The following ACTN1 variants were observed in gnomAD, a reference collection of about 807,000 sequenced individuals.
The protein encoded by ACTN1 is alpha-actinin-1.
ACTN1 carries 30 observed loss-of-function variants against 119.6 expected under a neutral mutation model. That is an observed-to-expected ratio of 0.25 (90% CI 0.19 to 0.34). The LOEUF is 0.34. Ranked by LOEUF, ACTN1 falls within the 10% of genes least tolerant of loss-of-function variation. ACTN1 has a pLI of 1.00. For synonymous variants in ACTN1, 429 were observed against 472.6 expected, an observed-to-expected ratio of 0.91 and a Z score of 1.20; for missense variants, 764 against 1,223.4, an observed-to-expected ratio of 0.62 and a Z score of 5.60.
chr14:68,924,970 C>T (rs1453856291), intron 2 of ACTN1, among the ~76,000 whole-genome samples: 3 of 151,956 alleles, frequency 2.0e-5, no homozygotes, highest in Admixed American at 6.6e-5. Context: ...AGAGGTGGCT[C>T]GAGGGAGAGG....
At chr14:68,932,824 G>T (rs562951954) in intron 1 of ACTN1, among the ~76,000 whole-genome samples, 1 of 152,154 alleles carries the variant, frequency 6.6e-6, no homozygotes, top group East Asian at 1.9e-4. Context: ...CAGCACCCCT[G>T]GACCACACCC....
chr14:68,956,102 CT>C lies in ACTN1; in HGVS notation c.105+22849del, dbSNP rs556595803. 2.1e-3 allele frequency among the ~76,000 whole-genome samples: 323 copies of C among 152,178 alleles called. 1 individual carries two copies. Among genetic ancestry groups the C allele is most frequent in the African/African-American group, 7.5e-3 (311 of 41,490 alleles). On this transcript the variant is annotated intron_variant, in intron 1 of 21. Transcript: ENST00000394419. ...ACTGCTTGAGACCAGGGGTCCAAGG[CT>C]GTCGTGAGCTATGATCATGCCACTG...
At chr14:68,926,601 A>G (rs2034939942) in intron 1 of ACTN1, among the ~76,000 whole-genome samples, 1 of 152,226 alleles carries the variant, frequency 6.6e-6, no homozygotes, top group African/African-American at 2.4e-5. Context: ...ACCAAATGGC[A>G]CTACCAATTA....
rs78817336 is a variant in ACTN1, at chr14:68,924,566, G to A, written c.220+992C>T. 1.2e-3 allele frequency among the ~76,000 whole-genome samples: 184 copies of A among 152,366 alleles called. 1 individual carries two copies. The East Asian group carries it at 0.031, about 26-fold the overall frequency. On this transcript the variant is annotated intron_variant, in intron 2 of 21. Transcript: ENST00000394419. ...AGGCTCAAAGCCCTGGAGAGGCACCGCGGGCTGAGGGCTGTGAGAGGGAAC... is the reference window on the plus strand; with the variant it reads ...AGGCTCAAAGCCCTGGAGAGGCACCACGGGCTGAGGGCTGTGAGAGGGAAC...
At chr14:68,978,870 G>A in intron 1 of ACTN1, 82 bp downstream of exon 1, 1 of 994,282 alleles carries the variant, frequency 1.0e-6, no homozygotes, top group South Asian at 1.7e-5. Flanking sequence ...TCAGAGCCCG[G>A]AGCCGAGAGC....
chr14:68,939,939 C>T (rs968441621), intron 1 of ACTN1, among the ~76,000 whole-genome samples: 2 of 152,186 alleles, frequency 1.3e-5, no homozygotes, highest in East Asian at 1.9e-4. Flanking sequence ...AGAGCCCTCT[C>T]GGGGGACTGA....
intron 1 of ACTN1, among the ~76,000 whole-genome samples, chr14:68,962,205 G>C (rs376684533): frequency 2.0e-5 from 3 of 152,198 alleles, no homozygotes; most frequent in East Asian, 3.9e-4. Flanking sequence ...CCCACATCCA[G>C]GGCACGGGCG....
chr14:68,963,363 AAT>A (rs2036601290), intron 1 of ACTN1, among the ~76,000 whole-genome samples: 1 of 152,212 alleles, frequency 6.6e-6, no homozygotes, highest in South Asian at 2.1e-4. Context: ...ATCTGGAAAG[AAT>A]GTCTGCTTTA....
intron 1 of ACTN1, among the ~76,000 whole-genome samples, chr14:68,950,970 G>A (rs1043207420): frequency 6.6e-6 from 1 of 152,180 alleles, no homozygotes; most frequent in Admixed American, 6.5e-5. Flanking sequence ...CAGTTAGAGG[G>A]GGGCAATGTT....
At chr14:68,964,795 T>C (rs552742567) in intron 1 of ACTN1, among the ~76,000 whole-genome samples, 28 of 152,286 alleles carry the variant, frequency 1.8e-4, no homozygotes, top group Non-Finnish European at 3.2e-4. Context: ...GTGCTGGCTG[T>C]TAACACCAAG....
At chr14:68,943,133 G>A (rs564088973) in intron 1 of ACTN1, among the ~76,000 whole-genome samples, 2 of 152,282 alleles carry the variant, frequency 1.3e-5, no homozygotes, top group South Asian at 2.1e-4. Flanking sequence ...CTAGGCCGGC[G>A]GTGGTCTGGG....
intron 1 of ACTN1, among the ~76,000 whole-genome samples, chr14:68,964,654 C>G (rs928908336): frequency 6.6e-6 from 1 of 152,244 alleles, no homozygotes; most frequent in African/African-American, 2.4e-5. Flanking sequence ...TTTAATCTCT[C>G]TAAGCCTCAG....
intron 1 of ACTN1, among the ~76,000 whole-genome samples, chr14:68,953,417 A>G (rs1012316248): frequency 1.3e-5 from 2 of 152,194 alleles, no homozygotes; most frequent in African/African-American, 4.8e-5. Flanking sequence ...CGTGCCCAGC[A>G]CAGGGACATC....
At chr14:68,899,014 C>T (rs1050590531) in intron 8 of ACTN1, among the ~76,000 whole-genome samples, 4 of 144,212 alleles carry the variant, frequency 2.8e-5, no homozygotes, top group African/African-American at 8.1e-5. Context: ...ACACCTCACA[C>T]CCACAGCACA....
intron 1 of ACTN1, chr14:68,977,634 G>A (rs2037103717): frequency 3.4e-6 from 1 of 290,050 alleles, no homozygotes; most frequent in Non-Finnish European, 6.7e-6. Flanking sequence ...ATTCCTGAGT[G>A]AGCTAATACA....
intron 1 of ACTN1, among the ~76,000 whole-genome samples, chr14:68,951,544 C>T (rs2036168499): frequency 6.6e-6 from 1 of 152,218 alleles, no homozygotes; most frequent in South Asian, 2.1e-4. Context: ...CTGGTCCTGA[C>T]GTTCCCGCTG....
At chr14:68,901,350 C>T (rs1234582740) in intron 8 of ACTN1, among the ~76,000 whole-genome samples, 1 of 149,706 alleles carries the variant, frequency 6.7e-6, no homozygotes, top group Non-Finnish European at 1.5e-5. Context: ...CGGGTTCAAG[C>T]GATTCTCTGG....
intron 1 of ACTN1, among the ~76,000 whole-genome samples, chr14:68,941,057 G>C (rs1334692665): frequency 6.6e-6 from 1 of 152,192 alleles, no homozygotes; most frequent in Non-Finnish European, 1.5e-5. Flanking sequence ...TCTGTCAACT[G>C]CTTTTGGGGA....
In ACTN1 at chr14:68,878,889, G is replaced by T; in HGVS notation, c.2361+100C>A. The T allele has an allele frequency of 6.2e-7, 1 of 1,600,680 alleles. No homozygotes were observed. Among genetic ancestry groups the T allele is most frequent in the East Asian group, 2.2e-5 (1 of 44,736 alleles). ...GACGAGCCCCATGGCCCACAGGAGGGGGACAGGAGATCCAGACAGAGAGAA... is the reference window on the plus strand; with the variant it reads ...GACGAGCCCCATGGCCCACAGGAGGTGGACAGGAGATCCAGACAGAGAGAA... On this transcript the variant is annotated intron_variant, in intron 19 of 21. Coordinates refer to ENST00000394419, the MANE Select transcript of ACTN1 (RefSeq NM_001130004.2). The surrounding 1 kb of genome is among the most constrained non-coding windows in gnomAD (Gnocchi z 4.4).
Sources: gnomAD v4.1 joint callset for allele counts (sites outside exome capture counted in the v4.1 genomes callset) on GRCh38, gnomAD v4.1.1 for gene constraint, Gnocchi (gnomAD v3.1) non-coding constraint, MANE v1.5 for transcripts, NCBI Gene and HGNC (gene_info 2026-07-23, HGNC 2026-07-21) for gene names.